SDK1: variants seen among roughly 807,000 people sequenced by gnomAD.
SDK1 encodes sidekick cell adhesion molecule 1.
Under a neutral mutation model 245.5 loss-of-function variants are expected in SDK1, and 157 were observed. The observed-to-expected ratio is 0.64, with a 90% CI of 0.56 to 0.73. The LOEUF (loss-of-function observed/expected upper bound fraction) is 0.73. Among genes scored for constraint, SDK1 ranks in the 30% least tolerant of loss-of-function variants. SDK1 has a pLI of 0.00. For synonymous variants in SDK1, 1,647 were observed against 1,278.5 expected (o/e 1.29, Z -6.15); for missense variants, 3,583 against 3,002.3 (o/e 1.19, Z -4.52).
intron 1 of SDK1, among the ~76,000 whole-genome samples, chr7:3,593,740 T>C (rs1780963862): frequency 6.6e-6 from 1 of 152,126 alleles, no homozygotes; most frequent in Admixed American, 6.5e-5. Flanking sequence ...AACAAAAAGC[T>C]GTGTATACGC....
At chr7:4,074,916 ATTTTTTT>A (rs55899344) in intron 20 of SDK1, among the ~76,000 whole-genome samples, 1 of 64,628 alleles carries the variant, frequency 1.5e-5, no homozygotes, top group African/African-American at 1.2e-4. Flanking sequence ...ATATATATAT[ATTTTTTT>A]TTTTTTTTAA....
At chr7:4,103,486 C>A (rs566927970) in intron 22 of SDK1, among the ~76,000 whole-genome samples, 1 of 152,300 alleles carries the variant, frequency 6.6e-6, no homozygotes, top group East Asian at 1.9e-4. Context: ...GTCCTGGTCT[C>A]TCCAGACAAA....
intron 1 of SDK1, among the ~76,000 whole-genome samples, chr7:3,393,943 A>C (rs1358605604): frequency 3.3e-5 from 5 of 152,120 alleles, no homozygotes; most frequent in Non-Finnish European, 7.4e-5. Context: ...GGCATTTATT[A>C]TAGTGTTCAT....
chr7:3,363,928 G>C (rs540215403), intron 1 of SDK1, among the ~76,000 whole-genome samples: 8 of 152,318 alleles, frequency 5.3e-5, no homozygotes, highest in South Asian at 2.1e-4. Flanking sequence ...AGAAATGTGT[G>C]AATGTGATCC....
chr7:4,033,268 A>G (rs1010252736), intron 17 of SDK1, among the ~76,000 whole-genome samples: 1 of 152,204 alleles, frequency 6.6e-6, no homozygotes, highest in African/African-American at 2.4e-5. Context: ...GAAAAAATAC[A>G]AAACTGTATC....
At chr7:3,911,760 G>A (rs766900237) in intron 5 of SDK1, among the ~76,000 whole-genome samples, 1 of 152,194 alleles carries the variant, frequency 6.6e-6, no homozygotes, top group Admixed American at 6.5e-5. Flanking sequence ...AGGTCACACA[G>A]ATGTGAAAAT....
chr7:3,743,096 T>G (rs1053032230), intron 4 of SDK1, among the ~76,000 whole-genome samples: 1 of 152,172 alleles, frequency 6.6e-6, no homozygotes, highest in East Asian at 1.9e-4. Context: ...AAAGGCTCTG[T>G]TCAGGAATGC....
At position 3,956,664 on chromosome 7, in the gene SDK1, A is replaced by G. The variant is rs557620949; in HGVS notation, c.1151-2267A>G. Among the ~76,000 whole-genome samples, 7 of 152,312 alleles carry G rather than the reference A, an allele frequency of 4.6e-5. No individual in the cohort carries two copies. In the South Asian group the frequency reaches 1.0e-3, roughly 23 times the overall value. On this transcript the variant is annotated intron_variant, in intron 7 of 44. Transcript: ENST00000404826. ...CAGGCGGTGGCAGGCTGCCCCCCAG[A>G]CCTTGCCCATGCCACAGTACTATGG...
chr7:3,835,129 G>T (rs1037753195), intron 5 of SDK1, among the ~76,000 whole-genome samples: 1 of 152,072 alleles, frequency 6.6e-6, no homozygotes, highest in African/African-American at 2.4e-5. Context: ...ATAGCAGCCT[G>T]GGCATTCAAT....
chr7:4,193,664 C>G lies in SDK1; in HGVS notation c.5099-12215C>G, dbSNP rs577634062. 1.6e-4 allele frequency among the ~76,000 whole-genome samples: 24 copies of G among 152,150 alleles called. No individual in the cohort carries two copies. The South Asian group carries it at 4.8e-3, about 30-fold the overall frequency. ...CATGCACCTTAACTTGCAGGTCAGC[C>G]ACTCACATGGTAAGAGCTTGTGTCT... On this transcript the variant is annotated intron_variant, in intron 35 of 44. Transcript: ENST00000404826.
At chr7:3,466,991 CA>C (rs1781025029) in intron 1 of SDK1, among the ~76,000 whole-genome samples, 1 of 139,578 alleles carries the variant, frequency 7.2e-6, no homozygotes, top group Admixed American at 6.9e-5. Context: ...CACACACACA[CA>C]CACACACACA....
intron 4 of SDK1, among the ~76,000 whole-genome samples, chr7:3,701,397 G>A (rs2115007311): frequency 6.6e-6 from 1 of 152,282 alleles, no homozygotes; most frequent in South Asian, 2.1e-4. Flanking sequence ...TAGGTTTAAT[G>A]TAATTCATAT....
At chr7:3,433,083 A>C (rs2128585125) in intron 1 of SDK1, among the ~76,000 whole-genome samples, 1 of 152,310 alleles carries the variant, frequency 6.6e-6, no homozygotes, top group Non-Finnish European at 1.5e-5. Context: ...TGGTTGCAAA[A>C]CCTATCCCCA....
chr7:3,537,886 T>G (rs572155829), intron 1 of SDK1, among the ~76,000 whole-genome samples: 1 of 152,320 alleles, frequency 6.6e-6, no homozygotes, highest in African/African-American at 2.4e-5. Flanking sequence ...CTCCCTGTTT[T>G]CAGTGAGGCA....
chr7:3,426,980 T>G (rs1299303066), intron 1 of SDK1, among the ~76,000 whole-genome samples: 4 of 152,234 alleles, frequency 2.6e-5, no homozygotes, highest in African/African-American at 7.2e-5. Flanking sequence ...CATCAGATAC[T>G]TTATGAACAT....
intron 4 of SDK1, among the ~76,000 whole-genome samples, chr7:3,699,297 T>C (rs2115004943): frequency 6.6e-6 from 1 of 152,072 alleles, no homozygotes; most frequent in East Asian, 1.9e-4. Context: ...AACAAGATGA[T>C]ACAGATGTTA....
In SDK1 at chr7:4,234,764, G is replaced by C. The variant is rs585834; in HGVS notation, c.5992+1345G>C. ...TTCTTTACCCCGCGATGATTCTATCGTGCAGACCGGCTGCAAGCCAGGGCG... is the reference window on the plus strand; with the variant it reads ...TTCTTTACCCCGCGATGATTCTATCCTGCAGACCGGCTGCAAGCCAGGGCG... On this transcript the variant is annotated intron_variant, in intron 41 of 44. Coordinates refer to ENST00000404826, the MANE Select transcript of SDK1 (RefSeq NM_152744.4). Among the ~76,000 whole-genome samples the C allele has an allele frequency of 1.8e-4, 27 of 152,176 alleles. 1 individual carries two copies. In the East Asian group the frequency reaches 4.3e-3, roughly 24 times the overall value.
intron 38 of SDK1, among the ~76,000 whole-genome samples, chr7:4,214,344 C>T (rs1014802428): frequency 1.3e-5 from 2 of 152,192 alleles, no homozygotes; most frequent in Non-Finnish European, 2.9e-5. Flanking sequence ...CCTGTCTCTC[C>T]CCTGGATGGC....
At chr7:4,075,780 G>A (rs1255048703) in intron 20 of SDK1, among the ~76,000 whole-genome samples, 1 of 151,782 alleles carries the variant, frequency 6.6e-6, no homozygotes, top group African/African-American at 2.4e-5. Context: ...TCAGCCTTCC[G>A]AGTAGCTAGG....
Sources: allele counts gnomAD v4.1 joint callset (sites outside exome capture counted in the v4.1 genomes callset), GRCh38; gene constraint gnomAD v4.1.1; transcripts MANE v1.5; gene names NCBI Gene and HGNC (gene_info 2026-07-23, HGNC 2026-07-21).